The following C6 variants were observed in gnomAD, a reference collection of about 807,000 sequenced individuals.
C6 encodes complement component C6.
A neutral mutation model predicts 112.9 loss-of-function variants in C6; 101 were observed. The ratio of observed to expected loss-of-function variants is 0.89; its 90% confidence interval spans 0.76 to 1.06. The LOEUF (loss-of-function observed/expected upper bound fraction) is 1.06, where lower values mean the gene tolerates loss of function less well. Among genes scored for constraint, C6 ranks in the 50% least tolerant of loss-of-function variants. The pLI is 0.00. For missense variants in C6, 1,202 were observed against 1,104.6 expected, an observed-to-expected ratio of 1.09 and a Z score of -1.25; for synonymous variants, 431 against 384.1, an observed-to-expected ratio of 1.12 and a Z score of -1.43.
At chr5:41,146,438 C>T (rs1206151841) in intron 17 of C6, among the ~76,000 whole-genome samples, 1 of 152,138 alleles carries the variant, frequency 6.6e-6, no homozygotes, top group Non-Finnish European at 1.5e-5. Context: ...TTCCAACTTC[C>T]CATGAGTGGC....
intron 9 of C6, among the ~76,000 whole-genome samples, chr5:41,166,613 C>T (rs1747994948): frequency 1.3e-5 from 2 of 152,068 alleles, no homozygotes; most frequent in Non-Finnish European, 1.5e-5. Flanking sequence ...GACATAAAGA[C>T]CATGTCACTG....
At chr5:41,169,936 A>G (rs1355768467) in intron 9 of C6, among the ~76,000 whole-genome samples, 1 of 152,148 alleles carries the variant, frequency 6.6e-6, no homozygotes, top group South Asian at 2.1e-4. Flanking sequence ...GAATTATTCC[A>G]ATTGGTTTTT....
At chr5:41,256,722 G>A (rs1397012419) in intron 1 of C6, among the ~76,000 whole-genome samples, 1 of 152,130 alleles carries the variant, frequency 6.6e-6, no homozygotes, top group African/African-American at 2.4e-5. Flanking sequence ...CGTATTCCAA[G>A]CCAACCTTCT....
intron 1 of C6, among the ~76,000 whole-genome samples, chr5:41,253,362 C>A (rs917620006): frequency 6.6e-6 from 1 of 152,120 alleles, no homozygotes; most frequent in African/African-American, 2.4e-5. Context: ...GGAGGGCCCT[C>A]ACCAAATTTT....
At chr5:41,163,307 GA>G (rs1747694633) in intron 9 of C6, among the ~76,000 whole-genome samples, 1 of 138,606 alleles carries the variant, frequency 7.2e-6, no homozygotes, top group Admixed American at 7.9e-5. Flanking sequence ...ATTTATCAAT[GA>G]ACTTTTTTTT....
intron 1 of C6, among the ~76,000 whole-genome samples, chr5:41,231,670 AT>A (rs1350645505): frequency 6.6e-6 from 1 of 151,896 alleles, no homozygotes; most frequent in Non-Finnish European, 1.5e-5. Flanking sequence ...TTTGACATTT[AT>A]TTTTTTAAAG....
At chr5:41,259,763 C>G (rs925943488) in intron 1 of C6, among the ~76,000 whole-genome samples, 1 of 152,104 alleles carries the variant, frequency 6.6e-6, no homozygotes, top group Non-Finnish European at 1.5e-5. Context: ...ATAAAATTAT[C>G]CATTATTTTT....
Position 41,153,994 on chromosome 5 carries a change from C to T in C6, c.2106G>A (p.Thr702=), listed in dbSNP as rs367874720. The change falls in exon 15 of 18, where the codon ACG becomes ACA. Residue 702 remains threonine (T), a synonymous_variant. Coordinates refer to ENST00000337836, the MANE Select transcript of C6 (RefSeq NM_000065.5). ...CCTGCACAACTGGCTTGATGCACTC[C>T]GTCCCTGCAAGAGAGCAACATTTCA... ...WRQGDVECQR[T]ECIKPVVQEV... 18 of 1,613,112 alleles carry T rather than the reference C, an allele frequency of 1.1e-5. No homozygotes were observed. Among genetic ancestry groups the T allele is most frequent in the East Asian group, 6.7e-5 (3 of 44,824 alleles).
At chr5:41,224,152 T>C (rs1739341807) in intron 1 of C6, among the ~76,000 whole-genome samples, 1 of 152,186 alleles carries the variant, frequency 6.6e-6, no homozygotes, top group African/African-American at 2.4e-5. Flanking sequence ...ACATATCTAT[T>C]ACCTCACATA....
intron 1 of C6, among the ~76,000 whole-genome samples, chr5:41,246,033 T>A (rs1227759890): frequency 2.0e-5 from 3 of 152,224 alleles, no homozygotes; most frequent in Middle Eastern, 3.2e-3. Context: ...ATCATCTTAA[T>A]ACCCTCGAAG....
At chr5:41,176,837 C>T in intron 7 of C6, 122 bp from the exon 8 acceptor site, 1 of 940,590 alleles carries the variant, frequency 1.1e-6, no homozygotes, top group Non-Finnish European at 1.6e-6. Flanking sequence ...ATAATTCTCA[C>T]TCTCTATTGC....
chr5:41,162,049 T>C (rs1160773950), intron 9 of C6, among the ~76,000 whole-genome samples, 190 bp from the exon 10 acceptor site: 1 of 152,096 alleles, frequency 6.6e-6, no homozygotes, highest in Non-Finnish European at 1.5e-5. Flanking sequence ...ATAGAAATAA[T>C]AATAACAGTA....
chr5:41,174,834 T>C lies in C6; in HGVS notation c.1168+1641A>G, dbSNP rs185566346. On this transcript the variant is annotated intron_variant, in intron 8 of 17. Transcript: ENST00000337836. ...TATGATGAGGTAAAGGGAGAGAGAA[T>C]AGGAGGAGAGAAAAGGGAAGAGGCC... Among the ~76,000 whole-genome samples the C allele has an allele frequency of 4.4e-3, 673 of 152,118 alleles. 11 individuals carry two copies. Among genetic ancestry groups the C allele is most frequent in the African/African-American group, 0.016 (653 of 41,496 alleles).
chr5:41,197,369 C>T (rs1022189775), intron 4 of C6, among the ~76,000 whole-genome samples: 17 of 152,030 alleles, frequency 1.1e-4, no homozygotes, highest in Non-Finnish European at 2.1e-4. Flanking sequence ...TTAAACAGTG[C>T]ATTTCTAGTT....
intron 15 of C6, among the ~76,000 whole-genome samples, chr5:41,150,776 A>G (rs1470258418): frequency 3.3e-5 from 5 of 151,906 alleles, no homozygotes; most frequent in Non-Finnish European, 5.9e-5. Flanking sequence ...AGTCCCAGCT[A>G]CTCAGGAGGC....
intron 3 of C6, 22 bp from the exon 4 acceptor site, chr5:41,199,934 A>T: frequency 6.2e-7 from 1 of 1,613,114 alleles, no homozygotes. Flanking sequence ...GAAGAGAAAG[A>T]TATAACTCTG....
chr5:41,205,244 G>A (rs748970289), intron 1 of C6, among the ~76,000 whole-genome samples: 3 of 152,148 alleles, frequency 2.0e-5, no homozygotes, highest in Non-Finnish European at 2.9e-5. Flanking sequence ...AAAATGAGGG[G>A]CTTTTGGGCA....
intron 6 of C6, among the ~76,000 whole-genome samples, chr5:41,183,378 A>G (rs1749508180): frequency 6.6e-6 from 1 of 152,176 alleles, no homozygotes; most frequent in South Asian, 2.1e-4. Context: ...TATATGAAAA[A>G]ATGCTCATCA....
At chr5:41,193,560 C>A (rs1307874286) in intron 5 of C6, among the ~76,000 whole-genome samples, 1 of 152,070 alleles carries the variant, frequency 6.6e-6, no homozygotes, top group South Asian at 2.1e-4. Flanking sequence ...TGTGTGTGAT[C>A]CCTACTCACA....
Sources: allele counts gnomAD v4.1 joint callset (sites outside exome capture counted in the v4.1 genomes callset), GRCh38; gene constraint gnomAD v4.1.1; transcripts MANE v1.5; gene names NCBI Gene and HGNC (gene_info 2026-07-23, HGNC 2026-07-21).